The following PCDH9 variants were observed in gnomAD, a reference collection of about 807,000 sequenced individuals.
The protein encoded by PCDH9 is protocadherin-9.
PCDH9 carries 24 observed loss-of-function variants against 70.6 expected under a neutral mutation model. That is an observed-to-expected ratio of 0.34 (90% CI 0.25 to 0.48). The LOEUF (loss-of-function observed/expected upper bound fraction) is 0.48, where lower values mean the gene tolerates loss of function less well. Ranked by LOEUF, PCDH9 falls within the 20% of genes least tolerant of loss-of-function variation. The pLI, the probability that PCDH9 is intolerant of heterozygous loss-of-function variation, is 0.99. For missense variants in PCDH9, 1,281 were observed against 1,503.6 expected (o/e 0.85, Z 2.45); for synonymous variants, 562 against 558.5 (o/e 1.01, Z -0.09).
At chr13:67,099,669 G>T (rs983516995) in intron 2 of PCDH9, among the ~76,000 whole-genome samples, 3 of 152,132 alleles carry the variant, frequency 2.0e-5, no homozygotes, top group Non-Finnish European at 4.4e-5. Flanking sequence ...CAGGTGAAGG[G>T]CCCCATGGAG....
chr13:66,394,025 AG>A lies in PCDH9; in HGVS notation c.3341-88998del, dbSNP rs1957063503. Among the ~76,000 whole-genome samples, 3 of 152,224 alleles carry A rather than the reference AG, an allele frequency of 2.0e-5. No homozygotes were observed. In the South Asian group the frequency reaches 6.2e-4, roughly 31 times the overall value. On this transcript the variant is annotated intron_variant, in intron 4 of 4. Transcript: ENST00000377865. ...GAAATAGAGGGTTGTGAAGCTGAGG[AG>A]GAAAATACTATTTCATTTTTTATTT...
chr13:67,173,710 T>A lies in PCDH9; in HGVS notation c.3036+51695A>T, dbSNP rs79092948. 3.9e-3 allele frequency among the ~76,000 whole-genome samples: 596 copies of A among 152,302 alleles called. 6 individuals are homozygous for A. The highest frequency in any genetic ancestry group is 0.014 in the African/African-American group (564 of 41,568). On this transcript the variant is annotated intron_variant, in intron 2 of 4. Coordinates refer to ENST00000377865, the MANE Select transcript of PCDH9 (RefSeq NM_203487.3). ...GCAGCAGAAAGTGTGTGCCTTGATA[T>A]GTTTTGAATTTCGAATTCTAAGTAT...
At position 66,464,276 on chromosome 13, in the gene PCDH9, G is replaced by T. The variant is rs73207686; in HGVS notation, c.3341-159248C>A. ...CCACAGCTTCGTGGTGTGATCAATG[G>T]CATTCACCTTCCCCTCTCAGTGTAA... On this transcript the variant is annotated intron_variant, in intron 4 of 4. Coordinates refer to ENST00000377865, the MANE Select transcript of PCDH9 (RefSeq NM_203487.3). 9.2e-3 allele frequency among the ~76,000 whole-genome samples: 1,392 copies of T among 151,616 alleles called. 5 individuals carry two copies. The highest frequency in any genetic ancestry group is 0.016 in the Non-Finnish European group (1,115 of 67,762).
intron 2 of PCDH9, among the ~76,000 whole-genome samples, chr13:67,126,841 TC>T (rs2086990875): frequency 6.6e-6 from 1 of 152,134 alleles, no homozygotes. Context: ...ACAGTGAGAC[TC>T]CATCTCAAAA....
intron 4 of PCDH9, among the ~76,000 whole-genome samples, chr13:66,551,371 C>A (rs1267300329): frequency 1.3e-5 from 2 of 152,080 alleles, no homozygotes; most frequent in Non-Finnish European, 2.9e-5. Flanking sequence ...AGGGCACGTG[C>A]AATCATATGT....
At chr13:66,760,279 A>G (rs1000808561) in intron 3 of PCDH9, among the ~76,000 whole-genome samples, 21 of 151,956 alleles carry the variant, frequency 1.4e-4, no homozygotes, top group African/African-American at 5.1e-4. Context: ...TCAGGACCCT[A>G]TATTTGTCTT....
At chr13:66,604,509 ATAT>A (rs1348108579) in intron 4 of PCDH9, among the ~76,000 whole-genome samples, 2 of 152,028 alleles carry the variant, frequency 1.3e-5, no homozygotes, top group Non-Finnish European at 2.9e-5. Flanking sequence ...TACATTTTAG[ATAT>A]TATTAATGAT....
At chr13:67,160,551 A>T (rs1228167428) in intron 2 of PCDH9, among the ~76,000 whole-genome samples, 1 of 146,568 alleles carries the variant, frequency 6.8e-6, no homozygotes, top group Non-Finnish European at 1.5e-5. Flanking sequence ...CGTCTCAAAA[A>T]AAAAAAGTGA....
chr13:66,651,452 T>C (rs1418196084), intron 3 of PCDH9, among the ~76,000 whole-genome samples: 1 of 151,854 alleles, frequency 6.6e-6, no homozygotes, highest in Non-Finnish European at 1.5e-5. Context: ...GATTGAACCA[T>C]GAAGAAATCC....
At chr13:66,567,046 A>G (rs2076662584) in intron 4 of PCDH9, among the ~76,000 whole-genome samples, 2 of 152,110 alleles carry the variant, frequency 1.3e-5, no homozygotes, top group Admixed American at 1.3e-4. Context: ...AAAGTTCTCC[A>G]TTCTTATGTT....
intron 3 of PCDH9, among the ~76,000 whole-genome samples, chr13:66,830,574 T>C (rs1258826998): frequency 6.6e-6 from 1 of 152,194 alleles, no homozygotes; most frequent in Non-Finnish European, 1.5e-5. Flanking sequence ...AGAAATTAAG[T>C]AATGAATTAT....
At chr13:66,412,812 A>C (rs1195399056) in intron 4 of PCDH9, among the ~76,000 whole-genome samples, 1 of 152,190 alleles carries the variant, frequency 6.6e-6, no homozygotes, top group Non-Finnish European at 1.5e-5. Context: ...ATTGAGTAAA[A>C]GTAATCTGGC....
intron 3 of PCDH9, among the ~76,000 whole-genome samples, chr13:66,883,588 T>TA (rs759121157): frequency 1.3e-5 from 2 of 152,196 alleles, no homozygotes; most frequent in Non-Finnish European, 2.9e-5. Flanking sequence ...ACCATTTCTT[T>TA]AATGAGGGAA....
intron 1 of PCDH9, among the ~76,000 whole-genome samples, chr13:67,229,331 G>C (rs2089956907): frequency 6.6e-6 from 1 of 152,168 alleles, no homozygotes; most frequent in Non-Finnish European, 1.5e-5. Context: ...AGAGAGTGCC[G>C]AGATATAAGT....
intron 3 of PCDH9, among the ~76,000 whole-genome samples, chr13:66,744,003 G>T (rs981731399): frequency 6.6e-6 from 1 of 152,080 alleles, no homozygotes; most frequent in African/African-American, 2.4e-5. Flanking sequence ...AAGGGCAGAT[G>T]AGAAAGGCCA....
intron 4 of PCDH9, among the ~76,000 whole-genome samples, chr13:66,459,858 A>C (rs1958390007): frequency 6.6e-6 from 1 of 151,952 alleles, no homozygotes; most frequent in African/African-American, 2.4e-5. Flanking sequence ...AGATTATGTA[A>C]ATCATACACA....
chr13:66,756,575 T>C (rs74992457), intron 3 of PCDH9, among the ~76,000 whole-genome samples: 1,728 of 152,242 alleles, frequency 0.011, 32 homozygotes, highest in African/African-American at 0.039. Flanking sequence ...GCAATCTGAA[T>C]CTACAGCTGC....
At chr13:67,080,723 C>T (rs1020428888) in intron 2 of PCDH9, among the ~76,000 whole-genome samples, 6 of 152,104 alleles carry the variant, frequency 3.9e-5, no homozygotes, top group Non-Finnish European at 5.9e-5. Context: ...GGCAAACTGC[C>T]TTAAAATTAA....
At chr13:66,799,778 G>T (rs1352176068) in intron 3 of PCDH9, among the ~76,000 whole-genome samples, 2 of 152,108 alleles carry the variant, frequency 1.3e-5, no homozygotes, top group African/African-American at 2.4e-5. Flanking sequence ...TCAGAAACCA[G>T]GTCAAAAAAC....
Sources: allele counts gnomAD v4.1 joint callset (sites outside exome capture counted in the v4.1 genomes callset), GRCh38; gene constraint gnomAD v4.1.1; transcripts MANE v1.5; gene names NCBI Gene and HGNC (gene_info 2026-07-23, HGNC 2026-07-21).